The following MORF4L1 variants were observed in gnomAD, a reference collection of about 807,000 sequenced individuals.
The protein encoded by MORF4L1 is mortality factor 4-like protein 1.
A neutral mutation model predicts 52.9 loss-of-function variants in MORF4L1; 4 were observed. The ratio of observed to expected loss-of-function variants is 0.08; its 90% CI spans 0.04 to 0.17. The LOEUF is 0.17. Ranked by LOEUF, MORF4L1 falls within the 10% of genes least tolerant of loss-of-function variation. MORF4L1 has a pLI of 1.00. For missense variants in MORF4L1, 214 were observed against 390.4 expected, an observed-to-expected ratio of 0.55 and a Z score of 3.81; for synonymous variants, 123 against 134.8, an observed-to-expected ratio of 0.91 and a Z score of 0.61.
intron 2 of MORF4L1, among the ~76,000 whole-genome samples, chr15:78,879,102 G>A (rs1345965845): frequency 6.6e-6 from 1 of 151,960 alleles, no homozygotes; most frequent in Non-Finnish European, 1.5e-5. Flanking sequence ...CAAACGCGGT[G>A]GCACATGCAT....
chr15:78,893,509 T>C (rs1179684109), intron 8 of MORF4L1, 30 bp from the exon 9 acceptor site: 2 of 1,452,292 alleles, frequency 1.4e-6, no homozygotes, highest in Non-Finnish European at 1.9e-6. Flanking sequence ...AAGAGAGTGC[T>C]TATATTTAAG....
intron 5 of MORF4L1, chr15:78,890,638 T>C (rs2056785019): frequency 6.3e-6 from 1 of 158,838 alleles, no homozygotes; most frequent in Non-Finnish European, 1.4e-5. Context: ...TTTGCCAGTA[T>C]GCCCAGTTAA....
At chr15:78,874,043 T>C (rs188384155) in intron 1 of MORF4L1, 1 of 152,338 alleles carries the variant, frequency 6.6e-6, no homozygotes, top group African/African-American at 2.4e-5. Context: ...GACATGAGTT[T>C]TGGGTAAGGT....
At chr15:78,883,219 A>G (rs2141467427) in intron 3 of MORF4L1, among the ~76,000 whole-genome samples, 1 of 152,152 alleles carries the variant, frequency 6.6e-6, no homozygotes, top group East Asian at 1.9e-4. Flanking sequence ...AGGAAAAAAA[A>G]AAAAAAAGCG....
chr15:78,873,272 G>C, intron 1 of MORF4L1: 1 of 1,441,826 alleles, frequency 6.9e-7, no homozygotes, highest in Non-Finnish European at 9.2e-7. Flanking sequence ...GCAGGCGTTA[G>C]AGTGGGAGAG....
intron 8 of MORF4L1, 102 bp downstream of exon 8, chr15:78,892,415 T>C (rs1245415394): frequency 1.5e-6 from 1 of 655,564 alleles, no homozygotes; most frequent in African/African-American, 1.9e-5. Flanking sequence ...ATTATTAAGG[T>C]ATGACTGATA....
chr15:78,877,796 T>TA (rs2056524142), intron 1 of MORF4L1: 1 of 155,420 alleles, frequency 6.4e-6, no homozygotes. Flanking sequence ...TTTCACTGAG[T>TA]AAAAGGGTTG....
intron 1 of MORF4L1, among the ~76,000 whole-genome samples, chr15:78,875,146 G>T (rs1382722457): frequency 6.6e-6 from 1 of 152,144 alleles, no homozygotes; most frequent in Admixed American, 6.6e-5. Context: ...CTTTGTACTA[G>T]TGTGTGTTTT....
At chr15:78,895,693 C>G (rs1233728306) in intron 11 of MORF4L1, among the ~76,000 whole-genome samples, 3 of 152,194 alleles carry the variant, frequency 2.0e-5, no homozygotes, top group South Asian at 2.1e-4. Context: ...TGCATAAGAT[C>G]TGGCTTTCCA....
intron 3 of MORF4L1, among the ~76,000 whole-genome samples, chr15:78,882,691 ATGAG>A (rs1341898801): frequency 6.6e-6 from 1 of 152,170 alleles, no homozygotes; most frequent in African/African-American, 2.4e-5. Flanking sequence ...TATGCATACT[ATGAG>A]TGGGAAAGAC....
intron 3 of MORF4L1, among the ~76,000 whole-genome samples, chr15:78,885,623 GTT>G (rs990249719): frequency 4.6e-5 from 7 of 152,156 alleles, no homozygotes; most frequent in African/African-American, 1.7e-4. Context: ...CTTTAGTGTT[GTT>G]TTGTGTCAGG....
chr15:78,893,926 T>C (rs994589147), intron 9 of MORF4L1, 132 bp from the exon 10 acceptor site: 18 of 829,886 alleles, frequency 2.2e-5, no homozygotes, highest in Middle Eastern at 2.5e-4. Flanking sequence ...TGCTTTCATA[T>C]GCCCTTTAAA....
intron 11 of MORF4L1, 40 bp from the exon 12 acceptor site, chr15:78,896,943 T>C (rs753110576): frequency 6.0e-6 from 9 of 1,507,666 alleles, no homozygotes. Context: ...ATCAAGATAA[T>C]GACCTTTAAA....
chr15:78,878,026 G>C, intron 1 of MORF4L1, 187 bp from the exon 2 acceptor site: 1 of 469,670 alleles, frequency 2.1e-6, no homozygotes, highest in Non-Finnish European at 3.7e-6. Flanking sequence ...TTTTACCATC[G>C]GATACCAACG....
chr15:78,881,629 C>A (rs2056605561), intron 3 of MORF4L1, among the ~76,000 whole-genome samples: 1 of 152,144 alleles, frequency 6.6e-6, no homozygotes, highest in Non-Finnish European at 1.5e-5. Flanking sequence ...GACTTTTCTC[C>A]TTGGGCCTCA....
chr15:78,874,843 CATTA>C (rs200390728), intron 1 of MORF4L1, among the ~76,000 whole-genome samples: 2,404 of 126,634 alleles, frequency 0.019, 49 homozygotes, highest in Non-Finnish European at 0.032. Flanking sequence ...AGAGTCAGTG[CATTA>C]ATTGAGACGG....
chr15:78,888,896 C>T (rs559206635), intron 5 of MORF4L1, among the ~76,000 whole-genome samples: 7 of 152,158 alleles, frequency 4.6e-5, no homozygotes, highest in African/African-American at 1.7e-4. Flanking sequence ...TTTTCATGAT[C>T]TGGTTCTTTG....
chr15:78,881,484 C>T (rs946477437), intron 3 of MORF4L1, among the ~76,000 whole-genome samples: 2 of 96,152 alleles, frequency 2.1e-5, no homozygotes, highest in Admixed American at 1.3e-4. Context: ...GTGTGAGCCA[C>T]TGCCCGGCCT....
At chr15:78,882,574 C>G (rs767075827) in intron 3 of MORF4L1, among the ~76,000 whole-genome samples, 8 of 152,082 alleles carry the variant, frequency 5.3e-5, no homozygotes, top group African/African-American at 1.4e-4. Flanking sequence ...GCATTTCAAT[C>G]TTTATTAGAC....
Sources: gnomAD v4.1 joint callset for allele counts (sites outside exome capture counted in the v4.1 genomes callset) on GRCh38, gnomAD v4.1.1 for gene constraint, MANE v1.5 for transcripts, NCBI Gene and HGNC (gene_info 2026-07-23, HGNC 2026-07-21) for gene names.